The following PRKCB variants were observed in gnomAD, a reference collection of about 807,000 sequenced individuals.
PRKCB encodes protein kinase C beta.
PRKCB carries 13 observed loss-of-function variants against 81.5 expected under a neutral mutation model. That is an observed-to-expected ratio of 0.16 (90% CI 0.10 to 0.25). PRKCB has a LOEUF of 0.25. PRKCB is among the 10% of genes least tolerant of loss of function. The probability of loss-of-function intolerance (pLI) is 1.00; values close to 1 mark genes in which losing one functional copy is unlikely to be tolerated. For missense variants in PRKCB, 509 were observed against 875.7 expected (o/e 0.58, Z 5.29); for synonymous variants, 335 against 321.4 (o/e 1.04, Z -0.45).
intron 2 of PRKCB, among the ~76,000 whole-genome samples, chr16:23,987,401 T>TGGGGGG (rs35320865): frequency 2.4e-5 from 3 of 126,996 alleles, no homozygotes; most frequent in Non-Finnish European, 3.3e-5. Flanking sequence ...TTGGTTGGGG[T>TGGGGGG]GGGGGGGGGT....
chr16:23,945,321 T>C (rs2141772200), intron 2 of PRKCB, among the ~76,000 whole-genome samples: 1 of 152,310 alleles, frequency 6.6e-6, no homozygotes, highest in Admixed American at 6.5e-5. Context: ...TAATTTACCA[T>C]GAATAGGGGA....
At chr16:23,955,232 A>ACACATG (rs1411445463) in intron 2 of PRKCB, among the ~76,000 whole-genome samples, 1 of 1,308 alleles carries the variant, frequency 7.6e-4, no homozygotes, top group Admixed American at 0.013. Flanking sequence ...ACACACATGC[A>ACACATG]CACACACACA....
chr16:24,113,338 C>T (rs1966700104), intron 8 of PRKCB, among the ~76,000 whole-genome samples: 1 of 151,270 alleles, frequency 6.6e-6, no homozygotes, highest in Non-Finnish European at 1.5e-5. Context: ...TTCTTGCTTG[C>T]TTTCTTTACC....
At chr16:24,046,706 T>C (rs12920070) in intron 5 of PRKCB, among the ~76,000 whole-genome samples, 36,593 of 150,366 alleles carry the variant, frequency 0.24, 4,502 homozygotes, top group East Asian at 0.31. Flanking sequence ...TGGGGAGGGG[T>C]GGGTGACGCT....
At chr16:23,958,336 ACT>A (rs1185216734) in intron 2 of PRKCB, among the ~76,000 whole-genome samples, 1 of 148,946 alleles carries the variant, frequency 6.7e-6, no homozygotes, top group African/African-American at 2.5e-5. Flanking sequence ...ATGGGATCTC[ACT>A]CTGTCACCCA....
At chr16:24,039,994 A>G (rs919296548) in intron 5 of PRKCB, among the ~76,000 whole-genome samples, 6 of 152,150 alleles carry the variant, frequency 3.9e-5, no homozygotes, top group Non-Finnish European at 4.4e-5. Context: ...ATCCAGACCC[A>G]AGAAGCATGG....
chr16:24,039,301 T>C lies in PRKCB; in HGVS notation c.529+3754T>C, dbSNP rs368997335. On this transcript the variant is annotated intron_variant, in intron 5 of 16. Coordinates refer to ENST00000643927, the MANE Select transcript of PRKCB (RefSeq NM_002738.7). ...TGGAGTGCAGTGGCATGATCTCTGC[T>C]CACTGCAACCTCTGCCTCTCATGTT... is the stretch of plus-strand genomic sequence containing the variant. 5.9e-5 allele frequency among the ~76,000 whole-genome samples: 9 copies of C among 152,326 alleles called. No individual in the cohort carries two copies. In the East Asian group the frequency reaches 1.5e-3, roughly 26 times the overall value.
intron 1 of PRKCB, 41 bp from the exon 2 acceptor site, chr16:23,837,334 C>T: frequency 1.2e-6 from 2 of 1,612,650 alleles, no homozygotes; most frequent in South Asian, 1.1e-5. Context: ...GAGGCTGGGC[C>T]CCCCGGGCTG....
chr16:24,194,242 G>A (rs911067932), intron 16 of PRKCB, among the ~76,000 whole-genome samples: 2 of 152,000 alleles, frequency 1.3e-5, no homozygotes, highest in African/African-American at 2.4e-5. Context: ...ATAGAGAATC[G>A]CTTGAACCTG....
intron 16 of PRKCB, among the ~76,000 whole-genome samples, chr16:24,211,537 G>A (rs1419425187): frequency 4.0e-5 from 6 of 150,124 alleles, no homozygotes; most frequent in Admixed American, 2.7e-4. Context: ...GCCAGGGTTT[G>A]AATTCAGTCT....
intron 2 of PRKCB, among the ~76,000 whole-genome samples, chr16:23,962,213 A>G (rs1368693499): frequency 6.6e-6 from 1 of 151,850 alleles, no homozygotes; most frequent in African/African-American, 2.4e-5. Flanking sequence ...AGGCATTTCC[A>G]TTTGGTGGTG....
chr16:24,012,121 G>C (rs8058691), intron 3 of PRKCB, among the ~76,000 whole-genome samples: 61,478 of 152,006 alleles, frequency 0.4, 13,716 homozygotes, highest in African/African-American at 0.6. Flanking sequence ...GGGGCATCTT[G>C]CTCTGTGTTC....
intron 9 of PRKCB, among the ~76,000 whole-genome samples, chr16:24,127,186 A>G (rs1047808874): frequency 4.0e-5 from 6 of 151,098 alleles, no homozygotes; most frequent in African/African-American, 1.5e-4. Flanking sequence ...TTCCACTTTT[A>G]GTAGAGACGG....
chr16:24,043,663 C>T (rs763912429), intron 5 of PRKCB, among the ~76,000 whole-genome samples: 33 of 152,012 alleles, frequency 2.2e-4, no homozygotes, highest in Non-Finnish European at 4.3e-4. Context: ...TCTTGCTATT[C>T]AGTGTTCCTT....
At chr16:23,909,793 T>C (rs1963621815) in intron 2 of PRKCB, among the ~76,000 whole-genome samples, 1 of 152,206 alleles carries the variant, frequency 6.6e-6, no homozygotes, top group African/African-American at 2.4e-5. Flanking sequence ...TTCATTCCTT[T>C]TATGGCTGAG....
intron 2 of PRKCB, among the ~76,000 whole-genome samples, chr16:23,855,062 C>T (rs1388632623): frequency 6.6e-6 from 1 of 152,012 alleles, no homozygotes; most frequent in Admixed American, 6.6e-5. Flanking sequence ...CCGTTACTAC[C>T]ACTTGGCACT....
At chr16:24,060,771 T>C (rs1965961709) in intron 5 of PRKCB, among the ~76,000 whole-genome samples, 1 of 152,170 alleles carries the variant, frequency 6.6e-6, no homozygotes, top group Admixed American at 6.5e-5. Context: ...GCTACAGAGC[T>C]CCCTCATGGA....
chr16:23,994,463 C>G (rs1419795401), intron 3 of PRKCB, among the ~76,000 whole-genome samples: 4 of 152,214 alleles, frequency 2.6e-5, no homozygotes, highest in African/African-American at 9.6e-5. Flanking sequence ...ACTGCCCCAG[C>G]CTAGGAAAAC....
intron 2 of PRKCB, among the ~76,000 whole-genome samples, chr16:23,912,999 A>T (rs1490455714): frequency 6.6e-6 from 1 of 151,798 alleles, no homozygotes; most frequent in Non-Finnish European, 1.5e-5. Context: ...TAATTGTTGT[A>T]TTTTTTATAG....
Sources: gnomAD v4.1 joint callset for allele counts (sites outside exome capture counted in the v4.1 genomes callset) on GRCh38, gnomAD v4.1.1 for gene constraint, MANE v1.5 for transcripts, NCBI Gene and HGNC (gene_info 2026-07-23, HGNC 2026-07-21) for gene names.